Variants in AKT3 observed in about 807,000 individuals in gnomAD.
AKT3 encodes the protein RAC-gamma serine/threonine-protein kinase.
AKT3 carries 15 observed loss-of-function variants against 65.3 expected under a neutral mutation model. The observed-to-expected ratio is 0.23, with a 90% CI of 0.15 to 0.35. The LOEUF (loss-of-function observed/expected upper bound fraction) is 0.35, where lower values mean the gene tolerates loss of function less well. Ranked by LOEUF, AKT3 falls within the 10% of genes least tolerant of loss-of-function variation. The probability of loss-of-function intolerance (pLI) is 1.00; values close to 1 mark genes in which losing one functional copy is unlikely to be tolerated. For missense variants in AKT3, 243 were observed against 576.5 expected (o/e 0.42, Z 5.92); for synonymous variants, 206 against 183.8 (o/e 1.12, Z -0.98).
intron 2 of AKT3, among the ~76,000 whole-genome samples, chr1:243,726,672 A>G (rs1487872604): frequency 6.6e-6 from 1 of 152,216 alleles, no homozygotes; most frequent in Non-Finnish European, 1.5e-5. Flanking sequence ...AGTTGTCAAA[A>G]TAACAGGAAG....
At position 243,664,891 on chromosome 1, in the gene AKT3, TA is replaced by T; in HGVS notation, c.173-9del. The T allele has an allele frequency of 6.9e-7, 1 of 1,449,668 alleles. No homozygotes were observed. Among genetic ancestry groups the T allele is most frequent in the South Asian group, 1.3e-5 (1 of 76,800 alleles). 89.8% of individuals were successfully genotyped at this position (1,449,668 alleles called of 1,614,324 possible). On this transcript the variant is annotated splice_polypyrimidine_tract_variant and intron_variant, in intron 3 of 13. Coordinates refer to ENST00000673466, the MANE Select transcript of AKT3 (RefSeq NM_005465.7). The stretch of plus-strand genomic sequence containing the variant: ...TTTTCATTAACTGGCATTCTAAGAA[TA>T]AAATAAAATGTTTCTTTAAATATGG...
At chr1:243,849,657 G>A (rs1002925044) in intron 1 of AKT3, among the ~76,000 whole-genome samples, 1 of 151,542 alleles carries the variant, frequency 6.6e-6, no homozygotes, top group Admixed American at 6.5e-5. Context: ...CGGGCGGGGA[G>A]GGGCGAGGGG....
intron 12 of AKT3, among the ~76,000 whole-genome samples, chr1:243,515,131 T>C (rs1271859423): frequency 6.6e-6 from 1 of 152,252 alleles, no homozygotes; most frequent in Non-Finnish European, 1.5e-5. Flanking sequence ...ATCAATAGTT[T>C]ACTCACTTTG....
intron 12 of AKT3, among the ~76,000 whole-genome samples, chr1:243,530,182 T>A (rs1289220069): frequency 6.6e-6 from 1 of 152,176 alleles, no homozygotes; most frequent in Non-Finnish European, 1.5e-5. Context: ...ATTTGTCAAT[T>A]TTTGTTAGGT....
chr1:243,508,791 G>A lies in AKT3; in HGVS notation c.1355-3457C>T, dbSNP rs568740609. On this transcript the variant is annotated intron_variant, in intron 13 of 13. Coordinates refer to ENST00000673466, the MANE Select transcript of AKT3 (RefSeq NM_005465.7). Reference sequence around the variant, plus strand: ...AGCGATCCTCCTGCCTCAGCCTCCCGAGTGGCTGGAATCACAGGAATGCAC... The same window carrying A: ...AGCGATCCTCCTGCCTCAGCCTCCCAAGTGGCTGGAATCACAGGAATGCAC... 1.8e-4 allele frequency among the ~76,000 whole-genome samples: 27 copies of A among 150,226 alleles called. No homozygotes were observed. In the South Asian group the frequency reaches 5.1e-3, roughly 28 times the overall value.
intron 2 of AKT3, among the ~76,000 whole-genome samples, chr1:243,743,604 T>C (rs1268684776): frequency 1.3e-5 from 2 of 152,212 alleles, no homozygotes; most frequent in Non-Finnish European, 2.9e-5. Flanking sequence ...CTTCTTAACA[T>C]AGGAAAGTTT....
intron 8 of AKT3, among the ~76,000 whole-genome samples, chr1:243,583,944 A>G (rs1011854077): frequency 1.3e-5 from 2 of 151,742 alleles, no homozygotes; most frequent in Non-Finnish European, 2.9e-5. Flanking sequence ...CCCATAAGCT[A>G]GCAGAAGAAA....
At chr1:243,663,106 T>C (rs1036918185) in intron 4 of AKT3, among the ~76,000 whole-genome samples, 48 of 152,360 alleles carry the variant, frequency 3.2e-4, no homozygotes, top group African/African-American at 1.1e-3. Context: ...CCATGGACTA[T>C]GTGCAAAAGA....
chr1:243,602,723 T>C (rs1191454146), intron 8 of AKT3, among the ~76,000 whole-genome samples: 1 of 152,148 alleles, frequency 6.6e-6, no homozygotes, highest in African/African-American at 2.4e-5. Context: ...GAAATTAATA[T>C]AGAGTTTACA....
chr1:243,841,906 A>G (rs1695261326), intron 2 of AKT3, among the ~76,000 whole-genome samples: 1 of 152,226 alleles, frequency 6.6e-6, no homozygotes, highest in Non-Finnish European at 1.5e-5. Flanking sequence ...AAAAGAAATC[A>G]GCCATAAAAA....
Position 243,501,950 on chromosome 1 carries a change from T to C in AKT3, c.*3299A>G, listed in dbSNP as rs763385760. 4 of 232,678 alleles carry C rather than the reference T, an allele frequency of 1.7e-5. No individual in the cohort carries two copies. The East Asian group carries it at 2.4e-4, about 14-fold the overall frequency. 14.4% of individuals were successfully genotyped at this position (232,678 alleles called of 1,614,324 possible). On this transcript the variant is annotated 3_prime_UTR_variant, in exon 14 of 14. Coordinates refer to ENST00000673466, the MANE Select transcript of AKT3 (RefSeq NM_005465.7). Reference sequence around the variant, plus strand: ...GGTTTAGTATGACCAACAGTAATAGTAATACAGTTTCTTGGGTTTATAGTT... The same window carrying C: ...GGTTTAGTATGACCAACAGTAATAGCAATACAGTTTCTTGGGTTTATAGTT...
chr1:243,644,627 T>C (rs1256165870), intron 5 of AKT3, among the ~76,000 whole-genome samples: 1 of 152,060 alleles, frequency 6.6e-6, no homozygotes, highest in African/African-American at 2.4e-5. Context: ...TAAAGATAAT[T>C]AAACATAAAC....
chr1:243,610,535 G>A (rs759823402), intron 8 of AKT3, among the ~76,000 whole-genome samples: 12 of 152,200 alleles, frequency 7.9e-5, no homozygotes, highest in Admixed American at 3.3e-4. Context: ...TCTGCGGACT[G>A]TTTTATCTGT....
chr1:243,842,251 A>G (rs899745697), intron 2 of AKT3, among the ~76,000 whole-genome samples: 6 of 152,188 alleles, frequency 3.9e-5, no homozygotes, highest in African/African-American at 1.4e-4. Context: ...ACAGACCTTC[A>G]AAAAATATTA....
intron 2 of AKT3, among the ~76,000 whole-genome samples, chr1:243,826,033 G>A (rs1694145664): frequency 6.6e-6 from 1 of 152,174 alleles, no homozygotes; most frequent in South Asian, 2.1e-4. Flanking sequence ...TTGGGAGGCT[G>A]AGGCAGGAGA....
chr1:243,830,664 T>C (rs1190164596), intron 2 of AKT3, among the ~76,000 whole-genome samples: 1 of 152,168 alleles, frequency 6.6e-6, no homozygotes, highest in Admixed American at 6.5e-5. Flanking sequence ...AGAAACACAG[T>C]AGAAAAGATT....
At chr1:243,649,445 G>A (rs1681130541) in intron 4 of AKT3, among the ~76,000 whole-genome samples, 1 of 151,286 alleles carries the variant, frequency 6.6e-6, no homozygotes, top group South Asian at 2.1e-4. Context: ...TAAGTTCTGG[G>A]GTACATGTGC....
chr1:243,518,375 C>T (rs992857228), intron 12 of AKT3, among the ~76,000 whole-genome samples: 5 of 152,096 alleles, frequency 3.3e-5, no homozygotes, highest in African/African-American at 7.2e-5. Context: ...TGGCTCATGC[C>T]TGTAATCCCA....
intron 8 of AKT3, among the ~76,000 whole-genome samples, chr1:243,586,883 G>A: frequency 6.7e-6 from 1 of 150,212 alleles, no homozygotes; most frequent in South Asian, 2.1e-4. Flanking sequence ...AATAAAAGTT[G>A]AAAAAAATAA....
Sources: gnomAD v4.1 joint callset for allele counts (sites outside exome capture counted in the v4.1 genomes callset) on GRCh38, gnomAD v4.1.1 for gene constraint, MANE v1.5 for transcripts, NCBI Gene and HGNC (gene_info 2026-07-23, HGNC 2026-07-21) for gene names.